Variants in DPP10 observed in about 807,000 individuals in gnomAD.
The protein encoded by DPP10 is dipeptidyl peptidase like 10, also known as inactive dipeptidyl peptidase 10.
DPP10 carries 33 observed loss-of-function variants against 120.9 expected under a neutral mutation model. The observed-to-expected ratio is 0.27, with a 90% confidence interval of 0.21 to 0.37. The LOEUF is 0.37. DPP10 is among the 10% of genes least tolerant of loss of function. The pLI is 1.00. For synonymous variants in DPP10, 337 were observed against 326.1 expected, an observed-to-expected ratio of 1.03 and a Z score of -0.36; for missense variants, 816 against 942.8, an observed-to-expected ratio of 0.87 and a Z score of 1.76.
At chr2:115,728,467 G>A (rs1428558037) in intron 8 of DPP10, among the ~76,000 whole-genome samples, 2 of 152,010 alleles carry the variant, frequency 1.3e-5, no homozygotes, top group Non-Finnish European at 2.9e-5. Context: ...AAATAAATCA[G>A]GTGATGAAAA....
At chr2:115,067,442 C>A (rs185080566) in intron 1 of DPP10, among the ~76,000 whole-genome samples, 1 of 150,844 alleles carries the variant, frequency 6.6e-6, no homozygotes, top group East Asian at 2.0e-4. Flanking sequence ...TTGATAGAGA[C>A]GGGGTTTCAC....
chr2:115,055,077 T>C (rs1573448248), intron 1 of DPP10, among the ~76,000 whole-genome samples: 1 of 152,214 alleles, frequency 6.6e-6, no homozygotes, highest in Non-Finnish European at 1.5e-5. Context: ...TGCTGTTGTT[T>C]ATTTGTATGG....
At chr2:115,406,698 A>T (rs1037545494) in intron 3 of DPP10, among the ~76,000 whole-genome samples, 2 of 152,186 alleles carry the variant, frequency 1.3e-5, no homozygotes, top group Admixed American at 1.3e-4. Context: ...AGTTATAAAG[A>T]GGGATCTTTT....
rs1699994905 is a variant in DPP10 at position 114,695,137 on chromosome 2, G to A, written c.60+252299G>A. ...TTATTTCCAAACTGTTGTTCAGAGT[G>A]AATTAAAGTGGATAGGATCAAAGAC... is the stretch of plus-strand genomic sequence containing the variant. On this transcript the variant is annotated intron_variant, in intron 1 of 25. Coordinates refer to ENST00000410059, the MANE Select transcript of DPP10 (RefSeq NM_020868.6). 2.0e-5 allele frequency among the ~76,000 whole-genome samples: 3 copies of A among 152,098 alleles called. No homozygotes were observed. In the South Asian group the frequency reaches 6.2e-4, roughly 32 times the overall value.
chr2:115,746,870 A>G (rs761803743), intron 10 of DPP10, among the ~76,000 whole-genome samples: 1 of 152,184 alleles, frequency 6.6e-6, no homozygotes, highest in Non-Finnish European at 1.5e-5. Context: ...TGGGATAGGC[A>G]GCTGATTTAG....
At chr2:114,678,319 T>G (rs1054761446) in intron 1 of DPP10, among the ~76,000 whole-genome samples, 1 of 152,112 alleles carries the variant, frequency 6.6e-6, no homozygotes, top group Non-Finnish European at 1.5e-5. Context: ...TCTTTTTCAT[T>G]GCTATTGTTT....
At chr2:115,330,124 G>A (rs563980178) in intron 2 of DPP10, among the ~76,000 whole-genome samples, 109 of 151,774 alleles carry the variant, frequency 7.2e-4, no homozygotes, top group African/African-American at 1.8e-3. Flanking sequence ...TTTAATGATC[G>A]CCATTCTAAC....
At chr2:114,944,420 GTTGT>G (rs946358406) in intron 1 of DPP10, among the ~76,000 whole-genome samples, 2 of 152,064 alleles carry the variant, frequency 1.3e-5, no homozygotes, top group East Asian at 1.9e-4. Flanking sequence ...GATTCATGCA[GTTGT>G]TTGTTAAACA....
At position 115,459,506 on chromosome 2, in the gene DPP10, A is replaced by G. The variant is rs185956355; in HGVS notation, c.272-40004A>G. Among the ~76,000 whole-genome samples the G allele has an allele frequency of 4.9e-3, 740 of 152,134 alleles. 6 individuals carry two copies. The highest frequency in any genetic ancestry group is 8.0e-3 in the Non-Finnish European group (545 of 67,992). ...TTTCTAACCACATGAAAGAGTTTCTATTGTTTTGATTACCATGGCTATAAT... is the reference window on the plus strand; with the variant it reads ...TTTCTAACCACATGAAAGAGTTTCTGTTGTTTTGATTACCATGGCTATAAT... On this transcript the variant is annotated intron_variant, in intron 3 of 25. Transcript: ENST00000410059.
chr2:115,760,111 T>A (rs1365599098), intron 11 of DPP10, among the ~76,000 whole-genome samples: 1 of 152,196 alleles, frequency 6.6e-6, no homozygotes, highest in Non-Finnish European at 1.5e-5. Flanking sequence ...CCAAAGGATT[T>A]GTAAGAAATA....
chr2:115,215,040 G>A (rs1372603197), intron 1 of DPP10, among the ~76,000 whole-genome samples: 1 of 152,114 alleles, frequency 6.6e-6, no homozygotes, highest in Non-Finnish European at 1.5e-5. Flanking sequence ...TACCCAATAG[G>A]TTTGGTTTTT....
intron 1 of DPP10, among the ~76,000 whole-genome samples, chr2:115,102,978 G>T (rs2048766574): frequency 6.6e-6 from 1 of 152,084 alleles, no homozygotes; most frequent in South Asian, 2.1e-4. Context: ...TTAAATTGTA[G>T]AATCTTCCTA....
In DPP10 at chr2:115,836,766, C is replaced by T. The variant is rs1211610268; in HGVS notation, c.2182+20C>T. 1 of 1,605,706 alleles carries T rather than the reference C, an allele frequency of 6.2e-7. No homozygotes were observed. The highest frequency in any genetic ancestry group is 8.5e-7 in the Non-Finnish European group (1 of 1,176,386). On this transcript the variant is annotated intron_variant, in intron 24 of 25. Coordinates refer to ENST00000410059, the MANE Select transcript of DPP10 (RefSeq NM_020868.6). ...CTGACAGTAAGTATTATACTTGCCG[C>T]TGCTGTTTGATAGGGTATGACCTTT... is the stretch of plus-strand genomic sequence containing the variant.
chr2:115,667,277 A>T (rs985706244), intron 5 of DPP10, among the ~76,000 whole-genome samples: 1 of 152,162 alleles, frequency 6.6e-6, no homozygotes, highest in Non-Finnish European at 1.5e-5. Flanking sequence ...CATAAATTAT[A>T]AATACTTTCT....
chr2:115,536,719 A>G (rs2078868998), intron 5 of DPP10, among the ~76,000 whole-genome samples: 1 of 152,044 alleles, frequency 6.6e-6, no homozygotes, highest in Non-Finnish European at 1.5e-5. Flanking sequence ...AAAATTATTT[A>G]TGGATAGGAG....
intron 1 of DPP10, among the ~76,000 whole-genome samples, chr2:114,735,949 T>G (rs1401706591): frequency 6.6e-6 from 1 of 152,060 alleles, no homozygotes; most frequent in Non-Finnish European, 1.5e-5. Context: ...TACTACCATC[T>G]AAGTATAGTA....
At chr2:115,480,763 A>G (rs13014804) in intron 3 of DPP10, among the ~76,000 whole-genome samples, 125,862 of 152,072 alleles carry the variant, frequency 0.83, 55,149 homozygotes, top group Non-Finnish European at 0.97. Context: ...AATGTTCAGT[A>G]TAAAGAATCT....
chr2:114,610,941 A>T (rs1693235752), intron 1 of DPP10, among the ~76,000 whole-genome samples: 1 of 151,742 alleles, frequency 6.6e-6, no homozygotes, highest in African/African-American at 2.4e-5. Context: ...GCTGTGTTTT[A>T]GCAGGACAGC....
At chr2:115,258,283 A>G (rs1396203266) in intron 1 of DPP10, among the ~76,000 whole-genome samples, 3 of 152,116 alleles carry the variant, frequency 2.0e-5, no homozygotes, top group Non-Finnish European at 4.4e-5. Context: ...GTTAAATTGA[A>G]CGTTTAATGT....
Sources: allele counts gnomAD v4.1 joint callset (sites outside exome capture counted in the v4.1 genomes callset), GRCh38; gene constraint gnomAD v4.1.1; transcripts MANE v1.5; gene names NCBI Gene and HGNC (gene_info 2026-07-23, HGNC 2026-07-21).